Variants in RGS18 observed in about 807,000 individuals in gnomAD.
RGS18 encodes regulator of G protein signaling 18, also known as regulator of G-protein signaling 18.
RGS18 carries 22 observed loss-of-function variants against 27.6 expected under a neutral mutation model. That is an observed-to-expected ratio of 0.80 (90% confidence interval 0.57 to 1.14). The LOEUF is 1.14. Among genes scored for constraint, RGS18 ranks in the 50% most tolerant of loss-of-function variants. The pLI is 0.00. For synonymous variants in RGS18, 89 were observed against 84.6 expected, an observed-to-expected ratio of 1.05 and a Z score of -0.29; for missense variants, 299 against 269.6, an observed-to-expected ratio of 1.11 and a Z score of -0.76.
chr1:192,158,841 A>T, intron 1 of RGS18, 85 bp downstream of exon 1: 1 of 942,850 alleles, frequency 1.1e-6, no homozygotes, highest in Non-Finnish European at 1.6e-6. Context: ...TTTTTGAACT[A>T]TTGGGTGGAA....
chr1:192,163,004 A>G (rs1656100298), intron 3 of RGS18, among the ~76,000 whole-genome samples: 3 of 152,236 alleles, frequency 2.0e-5, no homozygotes. Context: ...AAGTTAGTCC[A>G]GAGTTCCAGT....
intron 3 of RGS18, among the ~76,000 whole-genome samples, chr1:192,180,944 C>T (rs1016266731): frequency 6.6e-6 from 1 of 151,548 alleles, no homozygotes; most frequent in African/African-American, 2.4e-5. Context: ...ACTGTAATGG[C>T]TTCTTGACTC....
At chr1:192,167,787 C>T (rs1386490031) in intron 3 of RGS18, 1 of 152,154 alleles carries the variant, frequency 6.6e-6, no homozygotes, top group East Asian at 1.9e-4. Flanking sequence ...AATTATAACT[C>T]ATCACATAAA....
At chr1:192,160,805 G>T (rs928126338) in intron 3 of RGS18, 3 of 185,986 alleles carry the variant, frequency 1.6e-5, no homozygotes, top group Admixed American at 6.1e-5. Context: ...TAATTCTTTC[G>T]ATGGACATAC....
intron 3 of RGS18, among the ~76,000 whole-genome samples, chr1:192,175,535 G>A (rs1479270346): frequency 6.6e-6 from 1 of 151,892 alleles, no homozygotes. Context: ...AGTAGGACAA[G>A]ACATAGTGTT....
intron 3 of RGS18, among the ~76,000 whole-genome samples, chr1:192,166,788 G>A (rs1467832076): frequency 6.6e-6 from 1 of 152,162 alleles, no homozygotes; most frequent in Non-Finnish European, 1.5e-5. Flanking sequence ...ACAGAGTAGA[G>A]TTTGAACATT....
intron 4 of RGS18, 110 bp downstream of exon 4, chr1:192,181,568 T>G: frequency 1.4e-6 from 1 of 721,102 alleles, no homozygotes; most frequent in Non-Finnish European, 2.1e-6. Flanking sequence ...TAATTTCATT[T>G]ATAATTGACA....
At chr1:192,180,932 C>A (rs1656442035) in intron 3 of RGS18, among the ~76,000 whole-genome samples, 1 of 151,576 alleles carries the variant, frequency 6.6e-6, no homozygotes, top group African/African-American at 2.4e-5. Flanking sequence ...GGATCCGTTC[C>A]AACTGTAATG....
At chr1:192,174,973 T>C (rs1656333084) in intron 3 of RGS18, among the ~76,000 whole-genome samples, 1 of 151,846 alleles carries the variant, frequency 6.6e-6, no homozygotes, top group Non-Finnish European at 1.5e-5. Flanking sequence ...TGTTGTTTTC[T>C]TTTCCTCCTT....
chr1:192,158,539 A>C lies in RGS18; in HGVS notation c.-99A>C, dbSNP rs931737016. 1.9e-5 allele frequency: 20 copies of C among 1,063,458 alleles called. No individual in the cohort carries two copies. The Admixed American group carries it at 4.4e-4, about 24-fold the overall frequency. The allele number at this position is 1,063,458 out of a possible 1,614,324, so 65.9% of individuals were successfully genotyped here. On this transcript the variant is annotated 5_prime_UTR_variant, in exon 1 of 5. Coordinates refer to ENST00000367460, the MANE Select transcript of RGS18 (RefSeq NM_130782.3). ...TGTAAACATTACTGTAAGAGTTGTG[A>C]TAACTTTTTATTCTACTATGTATAT...
At chr1:192,165,764 A>G (rs2102152632) in intron 3 of RGS18, among the ~76,000 whole-genome samples, 1 of 152,350 alleles carries the variant, frequency 6.6e-6, no homozygotes, top group South Asian at 2.1e-4. Flanking sequence ...GTAAATTTTA[A>G]CACAATGAAG....
intron 3 of RGS18, among the ~76,000 whole-genome samples, chr1:192,177,220 A>G (rs915343539): frequency 1.3e-5 from 2 of 151,690 alleles, no homozygotes; most frequent in African/African-American, 4.8e-5. Context: ...ATTTTTAACT[A>G]CATATTTTTG....
intron 3 of RGS18, among the ~76,000 whole-genome samples, chr1:192,165,981 C>A (rs570187109): frequency 1.4e-4 from 22 of 152,184 alleles, no homozygotes; most frequent in Middle Eastern, 3.4e-3. Flanking sequence ...AATGAAATAT[C>A]AAACTATATC....
In RGS18 at chr1:192,158,618, C is replaced by A; in HGVS notation, c.-20C>A. The A allele has an allele frequency of 6.6e-7, 1 of 1,521,014 alleles. No homozygotes were observed. Among genetic ancestry groups the A allele is most frequent in the South Asian group, 1.3e-5 (1 of 75,010 alleles). 94.2% of individuals were successfully genotyped at this position (1,521,014 alleles called of 1,614,324 possible). A position where few individuals can be genotyped will look rare whatever the true frequency, so the allele number is the denominator to read the frequency against. ...GGGAAGGATGTAATAAATTAGACATCTCTTCATTTTAGAGAGAAGATGGAA... is the reference window on the plus strand; with the variant it reads ...GGGAAGGATGTAATAAATTAGACATATCTTCATTTTAGAGAGAAGATGGAA... On this transcript the variant is annotated 5_prime_UTR_variant, in exon 1 of 5. Coordinates refer to ENST00000367460, the MANE Select transcript of RGS18 (RefSeq NM_130782.3).
At chr1:192,180,845 G>T (rs1656440252) in intron 3 of RGS18, among the ~76,000 whole-genome samples, 1 of 151,670 alleles carries the variant, frequency 6.6e-6, no homozygotes, top group South Asian at 2.1e-4. Flanking sequence ...AGAAAAGGCT[G>T]TGTAAATGCT....
At chr1:192,160,331 C>T (rs1656048139) in intron 2 of RGS18, 47 bp from the exon 3 acceptor site, 2 of 1,273,754 alleles carry the variant, frequency 1.6e-6, no homozygotes, top group Non-Finnish European at 1.1e-6. Flanking sequence ...GATTCATAAA[C>T]AGACTTTCTG....
chr1:192,183,881 T>C (rs1425371988), intron 4 of RGS18, among the ~76,000 whole-genome samples: 1 of 151,686 alleles, frequency 6.6e-6, no homozygotes, highest in Non-Finnish European at 1.5e-5. Context: ...TAATAGCATC[T>C]GCTTTTGAGA....
chr1:192,180,037 A>AC (rs1656424698), intron 3 of RGS18, among the ~76,000 whole-genome samples: 1 of 151,656 alleles, frequency 6.6e-6, no homozygotes, highest in South Asian at 2.1e-4. Context: ...AAAAAGTTTA[A>AC]CTTTTACAAG....
chr1:192,158,747 C>T lies in RGS18; in HGVS notation c.110C>T (p.Ala37Val). 1 of 1,556,800 alleles carries T rather than the reference C, an allele frequency of 6.4e-7. No individual in the cohort carries two copies. Among genetic ancestry groups the T allele is most frequent in the Non-Finnish European group, 8.7e-7 (1 of 1,152,858 alleles). Reference protein sequence around the residue: ...GSGKEETSKEAKIRAKEKRNR... With the variant: ...GSGKEETSKEVKIRAKEKRNR... The stretch of plus-strand genomic sequence containing the variant: ...GGAAAAGAAGAAACAAGCAAAGAAG[C>T]CAAAATCAGGTAAAATTGTACAATT... Residue 37 changes from alanine (A) to valine (V), a missense_variant, in exon 1 of 5, where the codon GCC (alanine) becomes GTC (valine). Physicochemically the swap from Ala to Val is moderately conservative, Grantham distance 64. Coordinates refer to ENST00000367460, the MANE Select transcript of RGS18 (RefSeq NM_130782.3).
Sources: gnomAD v4.1 joint callset for allele counts (sites outside exome capture counted in the v4.1 genomes callset) on GRCh38, gnomAD v4.1.1 for gene constraint, MANE v1.5 for transcripts, NCBI Gene and HGNC (gene_info 2026-07-23, HGNC 2026-07-21) for gene names.